The following CACNA1A variants were observed in gnomAD, a reference collection of about 807,000 sequenced individuals.
The protein encoded by CACNA1A is calcium voltage-gated channel subunit alpha1 A, also known as voltage-dependent P/Q-type calcium channel subunit alpha-1A.
CACNA1A carries 57 observed loss-of-function variants against 262.4 expected under a neutral mutation model. The observed-to-expected ratio is 0.22, with a 90% CI of 0.18 to 0.27. The LOEUF (loss-of-function observed/expected upper bound fraction) is 0.27, where lower values mean the gene tolerates loss of function less well. Among genes scored for constraint, CACNA1A ranks in the 10% least tolerant of loss-of-function variants. The pLI is 1.00. For synonymous variants in CACNA1A, 1,431 were observed against 1,419.3 expected, an observed-to-expected ratio of 1.01 and a Z score of -0.18; for missense variants, 2,526 against 3,562.8, an observed-to-expected ratio of 0.71 and a Z score of 7.41.
chr19:13,317,280 C>T lies in CACNA1A; in HGVS notation c.1387G>A (p.Glu463Lys). Reference protein sequence around the residue: ...ARASIKSAKLENSTFFHKKER... With the variant: ...ARASIKSAKLKNSTFFHKKER... Reference sequence around the variant, plus strand: ...TTTTTGTGAAAAAAGGTCGAGTTCTCCAGCTTGGCACTTTTAATGCTGGCT... The same window carrying T: ...TTTTTGTGAAAAAAGGTCGAGTTCTTCAGCTTGGCACTTTTAATGCTGGCT... The change falls in exon 11 of 47, where the codon GAG (glutamate) becomes AAG (lysine). Residue 463 changes from glutamate to lysine, a missense_variant. Around this residue, in one of 17 missense-constraint regions of CACNA1A, gnomAD observed 104 missense variants for 127.6 expected, o/e 0.81. Coordinates refer to ENST00000360228, the MANE Select transcript of CACNA1A (RefSeq NM_001127222.2). 1 of 1,612,290 alleles carries T rather than the reference C, an allele frequency of 6.2e-7. No homozygotes were observed. The highest frequency in any genetic ancestry group is 8.5e-7 in the Non-Finnish European group (1 of 1,178,500).
At chr19:13,452,831 T>A in intron 3 of CACNA1A, 45 bp downstream of exon 3, 1 of 1,581,418 alleles carries the variant, frequency 6.3e-7, no homozygotes, top group Non-Finnish European at 8.6e-7. Context: ...AGCCTCGTAA[T>A]CCTTCAGCTA....
chr19:13,434,654 A>C (rs1280016527), intron 3 of CACNA1A, among the ~76,000 whole-genome samples: 1 of 152,120 alleles, frequency 6.6e-6, no homozygotes, highest in Non-Finnish European at 1.5e-5. Context: ...ACCTTCTGCC[A>C]TGATTGTAAG....
intron 29 of CACNA1A, among the ~76,000 whole-genome samples, chr19:13,253,445 C>CT (rs57960659): frequency 0.61 from 57,028 of 93,984 alleles, 20,435 homozygotes; most frequent in East Asian, 0.89. Flanking sequence ...CTGAATTATA[C>CT]TTTTTTTTTT....
At chr19:13,270,145 G>C (rs1464717531) in intron 24 of CACNA1A, among the ~76,000 whole-genome samples, 4 of 152,088 alleles carry the variant, frequency 2.6e-5, no homozygotes, top group African/African-American at 7.2e-5. Context: ...CCCAACCTCA[G>C]TGATCTTGTC....
rs369507737 is a variant in CACNA1A, at chr19:13,359,387, C to T, written c.978+219G>A. On this transcript the variant is annotated intron_variant, in intron 6 of 46. Transcript: ENST00000360228. ...GAAAAATGATGTTGCATCTGGGGGC[C>T]CTCCAGACTTCTATGCCCTATAGTT... Among the ~76,000 whole-genome samples the T allele has an allele frequency of 6.4e-4, 98 of 152,262 alleles. 1 individual carries two copies. Among genetic ancestry groups the T allele is most frequent in the African/African-American group, 2.2e-3 (91 of 41,544 alleles).
chr19:13,294,966 G>T (rs1228047379), intron 19 of CACNA1A, among the ~76,000 whole-genome samples: 4 of 152,088 alleles, frequency 2.6e-5, no homozygotes, highest in Non-Finnish European at 1.5e-5. Context: ...CTGCAAACTG[G>T]CCTCCTTCTG....
intron 12 of CACNA1A, among the ~76,000 whole-genome samples, chr19:13,310,489 A>AAAAAATATATATATAT (rs1568521426): frequency 4.9e-5 from 1 of 20,378 alleles, no homozygotes; most frequent in Non-Finnish European, 7.8e-5. Flanking sequence ...AAAAAAAAAA[A>AAAAAATATATATATAT]ATATATATAT....
intron 3 of CACNA1A, among the ~76,000 whole-genome samples, chr19:13,401,258 G>C (rs906326146): frequency 6.6e-6 from 1 of 152,196 alleles, no homozygotes; most frequent in Non-Finnish European, 1.5e-5. Context: ...TCTGCAGCCA[G>C]ATTTCCTGGA....
At chr19:13,320,652 G>C (rs542996378) in intron 10 of CACNA1A, among the ~76,000 whole-genome samples, 1 of 152,044 alleles carries the variant, frequency 6.6e-6, no homozygotes, top group African/African-American at 2.4e-5. Flanking sequence ...CACCTACTAA[G>C]TGCTGGACCC....
At chr19:13,428,790 C>T (rs535583102) in intron 3 of CACNA1A, among the ~76,000 whole-genome samples, 1 of 152,164 alleles carries the variant, frequency 6.6e-6, no homozygotes, top group South Asian at 2.1e-4. Flanking sequence ...CACAGCCAAT[C>T]ACGTAGACCC....
chr19:13,210,049 T>C (rs2054747354), intron 44 of CACNA1A, among the ~76,000 whole-genome samples: 1 of 148,664 alleles, frequency 6.7e-6, no homozygotes. Flanking sequence ...TGAGTCCTTC[T>C]GGTGAGGCCC....
At chr19:13,396,834 T>G (rs1436575459) in intron 3 of CACNA1A, among the ~76,000 whole-genome samples, 1 of 146,300 alleles carries the variant, frequency 6.8e-6, no homozygotes, top group East Asian at 2.0e-4. Flanking sequence ...CGTTTCCGGT[T>G]TGGTTTGGCT....
chr19:13,355,723 C>A (rs2058996932), intron 6 of CACNA1A, among the ~76,000 whole-genome samples: 1 of 152,162 alleles, frequency 6.6e-6, no homozygotes, highest in Admixed American at 6.5e-5. Context: ...TATAAGGCAT[C>A]CCCGTCCTCA....
intron 17 of CACNA1A, among the ~76,000 whole-genome samples, chr19:13,302,908 G>A (rs1016830620): frequency 1.3e-5 from 2 of 152,208 alleles, no homozygotes; most frequent in Non-Finnish European, 2.9e-5. Flanking sequence ...TGGAGGTGGG[G>A]CTGCAATGCT....
chr19:13,253,258 C>T (rs747928824), intron 29 of CACNA1A, among the ~76,000 whole-genome samples, 157 bp from the exon 30 acceptor site: 3 of 151,832 alleles, frequency 2.0e-5, no homozygotes, highest in Middle Eastern at 3.4e-3. Flanking sequence ...GAAAGCCCCG[C>T]TCTCCGCCGG....
intron 14 of CACNA1A, 41 bp from the exon 15 acceptor site, chr19:13,307,895 G>A (rs763048893): frequency 6.4e-7 from 1 of 1,572,428 alleles, no homozygotes; most frequent in Non-Finnish European, 8.8e-7. Flanking sequence ...GCCCCACCCG[G>A]GGTGCTCTGA....
chr19:13,356,000 A>C (rs2059001599), intron 6 of CACNA1A, among the ~76,000 whole-genome samples: 1 of 152,178 alleles, frequency 6.6e-6, no homozygotes, highest in Non-Finnish European at 1.5e-5. Context: ...CTAGGTTCAC[A>C]TTAAGGCCAA....
chr19:13,412,187 T>C (rs1221701146), intron 3 of CACNA1A, among the ~76,000 whole-genome samples: 1 of 151,820 alleles, frequency 6.6e-6, no homozygotes, highest in East Asian at 2.0e-4. Context: ...GAGATCCTTG[T>C]TTCCACGCCG....
chr19:13,261,320 T>A, intron 26 of CACNA1A, 130 bp downstream of exon 26: 1 of 746,988 alleles, frequency 1.3e-6, no homozygotes, highest in East Asian at 2.8e-5. Flanking sequence ...TCCAAGCTGG[T>A]TGCAACTGAG....
Sources: gnomAD v4.1 joint callset for allele counts (sites outside exome capture counted in the v4.1 genomes callset) on GRCh38, gnomAD v4.1.1 for gene constraint, gnomAD v4.1.1 regional missense constraint, MANE v1.5 for transcripts, NCBI Gene and HGNC (gene_info 2026-07-23, HGNC 2026-07-21) for gene names.